Variants in ATM observed in about 807,000 individuals in gnomAD.
ATM encodes the protein ATM serine/threonine kinase, also known as serine-protein kinase ATM.
Under a neutral mutation model 387.0 loss-of-function variants are expected in ATM, and 308 were observed. The observed-to-expected ratio is 0.80, with a 90% CI of 0.73 to 0.87. The LOEUF is 0.87. Among genes scored for constraint, ATM ranks in the 40% least tolerant of loss-of-function variants. The probability of loss-of-function intolerance (pLI) is 0.00; values close to 1 mark genes in which losing one functional copy is unlikely to be tolerated. For synonymous variants in ATM, 1,156 were observed against 1,187.3 expected (o/e 0.97, Z 0.54); for missense variants, 3,312 against 3,560.9 (o/e 0.93, Z 1.78).
At chr11:108,252,562 A>G (rs1364601650) in intron 11 of ATM, among the ~76,000 whole-genome samples, 1 of 152,196 alleles carries the variant, frequency 6.6e-6, no homozygotes, top group Non-Finnish European at 1.5e-5. Context: ...CTTTAATTTT[A>G]CAACCTTTTA....
chr11:108,229,493 AG>A (rs1591453308), intron 4 of ATM, 170 bp downstream of exon 4: 1 of 690,678 alleles, frequency 1.4e-6, no homozygotes, highest in Non-Finnish European at 2.3e-6. Context: ...TTTTATTAAA[AG>A]GTTTTTTTTT....
chr11:108,306,248 AC>A (rs1270491355), intron 37 of ATM, among the ~76,000 whole-genome samples: 3 of 152,258 alleles, frequency 2.0e-5, no homozygotes, highest in Non-Finnish European at 4.4e-5. Flanking sequence ...CTGTGATCCT[AC>A]TAGATTATAG....
intron 61 of ATM, chr11:108,355,991 T>C (rs984498554): frequency 2.4e-4 from 36 of 152,204 alleles, no homozygotes; most frequent in African/African-American, 7.7e-4. Flanking sequence ...CAATAATACG[T>C]TGGTAAAATT....
intron 43 of ATM, 124 bp downstream of exon 43, chr11:108,317,645 A>AT: frequency 5.6e-6 from 1 of 177,552 alleles, no homozygotes; most frequent in South Asian, 1.4e-4. Context: ...ATATATATAT[A>AT]TATATATACA....
chr11:108,326,325 A>G, intron 47 of ATM, 100 bp downstream of exon 47: 1 of 1,414,226 alleles, frequency 7.1e-7, no homozygotes, highest in South Asian at 1.3e-5. Flanking sequence ...TAGAGCCTTG[A>G]AATTAGTAAT....
chr11:108,336,939 G>T (rs1209778505), intron 56 of ATM, among the ~76,000 whole-genome samples: 2 of 152,142 alleles, frequency 1.3e-5, no homozygotes, highest in Non-Finnish European at 2.9e-5. Flanking sequence ...TTTCATTCCT[G>T]TACCTCATTT....
intron 59 of ATM, among the ~76,000 whole-genome samples, chr11:108,349,371 G>C (rs1269170718): frequency 6.6e-6 from 1 of 152,142 alleles, no homozygotes; most frequent in African/African-American, 2.4e-5. Flanking sequence ...TGTAGATTAA[G>C]AATGTGGAAT....
intron 61 of ATM, among the ~76,000 whole-genome samples, chr11:108,361,603 T>C (rs1419748040): frequency 6.6e-6 from 1 of 151,730 alleles, no homozygotes; most frequent in African/African-American, 2.4e-5. Flanking sequence ...AACAGAGATA[T>C]AGATCAATGG....
chr11:108,236,195 A>G, intron 5 of ATM: 1 of 282,678 alleles, frequency 3.5e-6, no homozygotes, highest in Non-Finnish European at 6.9e-6. Context: ...ATGACACCTA[A>G]ACTCAACCAT....
intron 23 of ATM, among the ~76,000 whole-genome samples, chr11:108,280,391 A>G (rs1000754008): frequency 3.6e-4 from 55 of 152,220 alleles, no homozygotes; most frequent in African/African-American, 1.3e-3. Context: ...GTTACCAAAA[A>G]GGCTAACTCT....
intron 5 of ATM, among the ~76,000 whole-genome samples, chr11:108,241,337 AGT>A (rs2079546735): frequency 6.6e-6 from 1 of 152,244 alleles, no homozygotes; most frequent in Non-Finnish European, 1.5e-5. Context: ...TAAAAAGCAT[AGT>A]AGAGTAAGTA....
rs641252 is a variant in ATM at position 108,257,592 on chromosome 11, A to G, written c.2362A>G (p.Ser788Gly). The change falls in exon 15 of 63, where the codon AGC (serine) becomes GGC (glycine). Residue 788 changes from serine (S) to glycine (G), a missense_variant. By Grantham distance (56) the Ser-to-Gly change is moderately conservative. Around this residue, in one of 4 missense-constraint regions of ATM, gnomAD observed 1,791 missense variants for 1,804.5 expected, o/e 0.99. Coordinates refer to ENST00000675843, the MANE Select transcript of ATM (RefSeq NM_000051.4). ...GATGCAGCTATGTACACGTTGCTTG[A>G]GCAACTGTACCAAGGTAAGATTTTC... ...NMMQLCTRCL[S>G]NCTKKSPNKI... 2 of 1,613,806 alleles carry G rather than the reference A, an allele frequency of 1.2e-6. No individual in the cohort carries two copies. Among genetic ancestry groups the G allele is most frequent in the African/African-American group, 1.3e-5 (1 of 75,054 alleles).
intron 43 of ATM, among the ~76,000 whole-genome samples, chr11:108,317,988 G>A (rs1044964547): frequency 1.3e-5 from 2 of 152,066 alleles, no homozygotes; most frequent in East Asian, 3.9e-4. Context: ...AAACATTTTA[G>A]TCAGTAAGAT....
chr11:108,330,435 A>C lies in ATM; in HGVS notation c.7515+14A>C. 6.2e-7 allele frequency: 1 copy of C among 1,613,340 alleles called. No homozygotes were observed. The highest frequency in any genetic ancestry group is 1.7e-5 in the Admixed American group (1 of 60,022). The stretch of plus-strand genomic sequence containing the variant: ...GGCATGATGAAGGCAAGTGTTACTC[A>C]GCCCAATATTCTACCCTGTGCTTGA... On this transcript the variant is annotated intron_variant, in intron 50 of 62. Transcript: ENST00000675843.
rs1060504272 is a variant in ATM at position 108,256,203 on chromosome 11, GTTTAC to G, written c.2125-7_2125-3del. The stretch of plus-strand genomic sequence containing the variant: ...TGAAATATATATATTTTTATTTGTG[GTTTAC>G]TTTAAGATTACAAATTCAGAAACTC... On this transcript the variant is annotated splice_region_variant and splice_polypyrimidine_tract_variant and intron_variant, in intron 13 of 62. Transcript: ENST00000675843. 2 of 1,588,456 alleles carry G rather than the reference GTTTAC, an allele frequency of 1.3e-6. No homozygotes were observed. Among genetic ancestry groups the G allele is most frequent in the South Asian group, 1.1e-5 (1 of 87,564 alleles).
chr11:108,235,392 C>T (rs2079215914), intron 4 of ATM, among the ~76,000 whole-genome samples: 1 of 151,644 alleles, frequency 6.6e-6, no homozygotes, highest in African/African-American at 2.4e-5. Context: ...AGTAAATGTT[C>T]TTGACTTTAT....
chr11:108,273,582 TC>T (rs1437449368), intron 22 of ATM, among the ~76,000 whole-genome samples: 1 of 152,108 alleles, frequency 6.6e-6, no homozygotes, highest in East Asian at 1.9e-4. Flanking sequence ...CCTCAGGTGA[TC>T]CACCCACCTT....
chr11:108,298,385 C>G (rs981751687), intron 33 of ATM, among the ~76,000 whole-genome samples: 4 of 152,138 alleles, frequency 2.6e-5, no homozygotes, highest in African/African-American at 9.7e-5. Flanking sequence ...GAAAAGTATA[C>G]AGATCAAAAA....
chr11:108,240,361 T>C (rs2079493545), intron 5 of ATM, among the ~76,000 whole-genome samples: 1 of 152,216 alleles, frequency 6.6e-6, no homozygotes, highest in Non-Finnish European at 1.5e-5. Context: ...ATCTTTTTGC[T>C]ATCTCCATGG....
Sources: gnomAD v4.1 joint callset for allele counts (sites outside exome capture counted in the v4.1 genomes callset) on GRCh38, gnomAD v4.1.1 for gene constraint, gnomAD v4.1.1 regional missense constraint, MANE v1.5 for transcripts, NCBI Gene and HGNC (gene_info 2026-07-23, HGNC 2026-07-21) for gene names.